The following FOXRED2 variants were observed in gnomAD, a reference collection of about 807,000 sequenced individuals.
FOXRED2 encodes the protein FAD-dependent oxidoreductase domain-containing protein 2.
A neutral mutation model predicts 52.5 loss-of-function variants in FOXRED2; 32 were observed. That is an observed-to-expected ratio of 0.61 (90% CI 0.46 to 0.82). The LOEUF is 0.82. Ranked by LOEUF, FOXRED2 falls within the 40% of genes least tolerant of loss-of-function variation. The pLI is 0.00. For synonymous variants in FOXRED2, 405 were observed against 398.1 expected (o/e 1.02, Z -0.21); for missense variants, 848 against 937.5 (o/e 0.90, Z 1.25).
rs749980868 is a variant in FOXRED2, at chr22:36,493,661, C to T, written c.1767G>A (p.Leu589=). ...CATAGAAGCTTCGCAAATCGGTGTCCAAACAGTTCTCCAGGAAGCGCCTCA... is the reference window on the plus strand; with the variant it reads ...CATAGAAGCTTCGCAAATCGGTGTCTAAACAGTTCTCCAGGAAGCGCCTCA... ...LPLRRFLENC[L]DTDLRSFYAE... Residue 589 remains leucine (L), a synonymous_variant, in exon 8 of 9, where the codon TTG becomes TTA. Transcript: ENST00000397224. 1.2e-6 allele frequency: 2 copies of T among 1,614,136 alleles called. No individual in the cohort carries two copies. The highest frequency in any genetic ancestry group is 3.3e-5 in the Admixed American group (2 of 60,012).
Position 36,501,384 on chromosome 22 carries a change from T to C in FOXRED2, c.1073A>G (p.Asn358Ser), listed in dbSNP as rs1934041736. 1.9e-6 allele frequency: 3 copies of C among 1,614,038 alleles called. No homozygotes were observed. The highest frequency in any genetic ancestry group is 1.7e-6 in the Non-Finnish European group (2 of 1,180,030). ...FNKSLRLNSG[N>S]AFGKKYPLIR... ...CAGCGGGTACTTCTTGCCGAATGCA[T>C]TTCCCGAGTTAAGTCTGAGGGACCT... The change falls in exon 5 of 9, where the codon AAT (asparagine) becomes AGT (serine). Residue 358 changes from asparagine (N) to serine (S), a missense_variant. Coordinates refer to ENST00000397224, the MANE Select transcript of FOXRED2 (RefSeq NM_001102371.2).
Position 36,506,102 on chromosome 22 carries a change from G to C in FOXRED2, c.321C>G (p.Pro107=). 2 of 1,614,268 alleles carry C rather than the reference G, an allele frequency of 1.2e-6. No individual in the cohort carries two copies. Among genetic ancestry groups the C allele is most frequent in the Non-Finnish European group, 1.7e-6 (2 of 1,180,042 alleles). ...GCGAGTAGTGTCTGAAGAGCAGCCGGGGGTCGTGGCTGAGCAGAGAGTTCC... is the reference window on the plus strand; with the variant it reads ...GCGAGTAGTGTCTGAAGAGCAGCCGCGGGTCGTGGCTGAGCAGAGAGTTCC... ...HDWNSLLSHD[P]RLLFRHYSRA... is the part of the protein sequence containing the mutation. The change falls in exon 2 of 9, where the codon CCC becomes CCG. Residue 107 remains proline (P), a synonymous_variant. Transcript: ENST00000397224.
At chr22:36,497,528 C>G (rs1933933752) in intron 6 of FOXRED2, among the ~76,000 whole-genome samples, 1 of 152,186 alleles carries the variant, frequency 6.6e-6, no homozygotes, top group Non-Finnish European at 1.5e-5. Context: ...GCCCCTCACC[C>G]CTCTGTGCTC....
At chr22:36,505,614 T>TA (rs977990425) in intron 2 of FOXRED2, among the ~76,000 whole-genome samples, 3 of 151,776 alleles carry the variant, frequency 2.0e-5, no homozygotes, top group East Asian at 1.9e-4. Context: ...ACCAAAAATA[T>TA]AAAAAAATTA....
At position 36,500,617 on chromosome 22, in the gene FOXRED2, CTT is replaced by C. The variant is rs376247647; in HGVS notation, c.1216+622_1216+623del. 3.9e-3 allele frequency among the ~76,000 whole-genome samples: 512 copies of C among 131,470 alleles called. 3 individuals are homozygous for C. The highest frequency in any genetic ancestry group is 0.014 in the African/African-American group (491 of 35,224). 86.2% of individuals were successfully genotyped at this position (131,470 alleles called of 152,430 possible). On this transcript the variant is annotated intron_variant, in intron 5 of 8. Coordinates refer to ENST00000397224, the MANE Select transcript of FOXRED2 (RefSeq NM_001102371.2). ...TTTTTTTTTGAGATGGAGTTTTGCTCTTGTTGCCCAGGCTGGAGTGCAATGGT... is the reference window on the plus strand; with the variant it reads ...TTTTTTTTTGAGATGGAGTTTTGCTCGTTGCCCAGGCTGGAGTGCAATGGT...
chr22:36,502,650 T>C (rs925489842), intron 4 of FOXRED2, among the ~76,000 whole-genome samples: 18 of 151,900 alleles, frequency 1.2e-4, no homozygotes, highest in African/African-American at 4.1e-4. Context: ...CAGCACTTTC[T>C]TTCCTTTCTT....
intron 5 of FOXRED2, 159 bp from the exon 6 acceptor site, chr22:36,498,315 G>T (rs1422736741): frequency 1.4e-6 from 1 of 721,898 alleles, no homozygotes; most frequent in Non-Finnish European, 2.2e-6. Flanking sequence ...GAGGGGAGGA[G>T]ATGGCAGCTG....
chr22:36,490,371 C>T (rs1012262966), intron 8 of FOXRED2, 104 bp from the exon 9 acceptor site: 1 of 1,311,794 alleles, frequency 7.6e-7, no homozygotes, highest in Non-Finnish European at 1.0e-6. Context: ...CACTGCAGGC[C>T]TTGCCTGGTA....
chr22:36,500,447 T>C (rs1353497000), intron 5 of FOXRED2, among the ~76,000 whole-genome samples: 1 of 152,230 alleles, frequency 6.6e-6, no homozygotes. Flanking sequence ...TGGTTGGGGA[T>C]TATTTTAGTG....
chr22:36,495,279 G>T (rs1394421730), intron 7 of FOXRED2, among the ~76,000 whole-genome samples: 1 of 151,986 alleles, frequency 6.6e-6, no homozygotes, highest in Non-Finnish European at 1.5e-5. Flanking sequence ...TCCTTATACT[G>T]ACCACAGACC....
chr22:36,505,848 G>C lies in FOXRED2; in HGVS notation c.527+48C>G, dbSNP rs1315263464. On this transcript the variant is annotated intron_variant, in intron 2 of 8. Transcript: ENST00000397224. ...TGGCCAATCAAGGTGTGTGGTTCGT[G>C]TGGGGAAGGTCCCAGCTTCCGCAGG... 2.5e-6 allele frequency: 4 copies of C among 1,584,396 alleles called. No individual in the cohort carries two copies. In the Admixed American group the frequency reaches 6.7e-5, roughly 27 times the overall value.
In FOXRED2 at chr22:36,506,043, C is replaced by A; in HGVS notation, c.380G>T (p.Arg127Leu). 4 of 1,614,236 alleles carry A rather than the reference C, an allele frequency of 2.5e-6. No homozygotes were observed. The highest frequency in any genetic ancestry group is 1.1e-5 in the South Asian group (1 of 91,090). ...AYFPDARDMVRYLGDFADTLG... is the reference protein window; with the variant it reads ...AYFPDARDMVLYLGDFADTLG... ...CGTGTCCGCGAAGTCACCCAGGTAG[C>A]GCACCATGTCGCGGGCGTCGGGGAA... Residue 127 changes from arginine to leucine, a missense_variant, in exon 2 of 9, where the codon CGC (arginine) becomes CTC (leucine). Arg to Leu is a moderately radical substitution (Grantham distance 102). Coordinates refer to ENST00000397224, the MANE Select transcript of FOXRED2 (RefSeq NM_001102371.2).
chr22:36,504,893 A>T, intron 2 of FOXRED2, 127 bp from the exon 3 acceptor site: 1 of 923,642 alleles, frequency 1.1e-6, no homozygotes, highest in Non-Finnish European at 1.6e-6. Context: ...AGAAAATAGG[A>T]CATTCATTCA....
At chr22:36,505,242 A>G (rs981509359) in intron 2 of FOXRED2, among the ~76,000 whole-genome samples, 2 of 152,212 alleles carry the variant, frequency 1.3e-5, no homozygotes, top group Non-Finnish European at 2.9e-5. Flanking sequence ...TGACTCCTCC[A>G]AGCAACCTGG....
At chr22:36,498,264 G>A in intron 5 of FOXRED2, 108 bp from the exon 6 acceptor site, 1 of 1,335,364 alleles carries the variant, frequency 7.5e-7, no homozygotes, top group East Asian at 2.4e-5. Context: ...ATACACACTG[G>A]TCTCCATGGC....
At chr22:36,495,739 G>C (rs5756218) in intron 7 of FOXRED2, among the ~76,000 whole-genome samples, 65,844 of 152,194 alleles carry the variant, frequency 0.43, 17,581 homozygotes, top group Non-Finnish European at 0.6. Context: ...GCCTGGCGGA[G>C]AGCACGACAC....
intron 8 of FOXRED2, among the ~76,000 whole-genome samples, chr22:36,491,227 T>G (rs1291944280): frequency 6.6e-6 from 1 of 152,058 alleles, no homozygotes; most frequent in Non-Finnish European, 1.5e-5. Flanking sequence ...GAGAAGCTAC[T>G]GAAAGGAACA....
rs1459011466 is a variant in FOXRED2 at position 36,489,500 on chromosome 22, T to C, written c.*508A>G. 6.6e-6 allele frequency: 1 copy of C among 152,312 alleles called. No individual in the cohort carries two copies. The highest frequency in any genetic ancestry group is 1.9e-4 in the East Asian group (1 of 5,198). The allele number at this position is 152,312 out of a possible 1,614,324, so 9.4% of individuals were successfully genotyped here. A position where few individuals can be genotyped will look rare whatever the true frequency, so the allele number is the denominator to read the frequency against. ...TGGGGGTCCCTGGAATTACTTGACA[T>C]CCCACAGCTGGTGTCTTCAGCAGTC... On this transcript the variant is annotated 3_prime_UTR_variant, in exon 9 of 9. Coordinates refer to ENST00000397224, the MANE Select transcript of FOXRED2 (RefSeq NM_001102371.2).
At chr22:36,494,293 T>A (rs1053340262) in intron 7 of FOXRED2, among the ~76,000 whole-genome samples, 1 of 152,020 alleles carries the variant, frequency 6.6e-6, no homozygotes, top group Non-Finnish European at 1.5e-5. Flanking sequence ...ATATTTTACA[T>A]TTTTCGTAGA....
Sources: allele counts gnomAD v4.1 joint callset (sites outside exome capture counted in the v4.1 genomes callset), GRCh38; gene constraint gnomAD v4.1.1; transcripts MANE v1.5; gene names NCBI Gene and HGNC (gene_info 2026-07-23, HGNC 2026-07-21).